Variants in RELL1 observed in about 807,000 individuals in gnomAD.
RELL1 encodes RELT-like protein 1.
Under a neutral mutation model 23.0 loss-of-function variants are expected in RELL1, and 10 were observed. The observed-to-expected ratio is 0.43, with a 90% confidence interval of 0.27 to 0.74. RELL1 has a LOEUF of 0.74. Ranked by LOEUF, RELL1 falls within the 30% of genes least tolerant of loss-of-function variation. The probability of loss-of-function intolerance (pLI) is 0.19; values close to 1 mark genes in which losing one functional copy is unlikely to be tolerated. For missense variants in RELL1, 315 were observed against 364.4 expected (o/e 0.86, Z 1.10); for synonymous variants, 146 against 146.8 (o/e 0.99, Z 0.04).
chr4:37,638,402 T>C, intron 4 of RELL1, 45 bp downstream of exon 4: 1 of 1,457,812 alleles, frequency 6.9e-7, no homozygotes, highest in Non-Finnish European at 9.6e-7. Flanking sequence ...TCTGAGCAAG[T>C]AACTGAAAAG....
Position 37,649,320 on chromosome 4 carries a change from G to C in RELL1, c.269C>G (p.Thr90Arg). ...LLKKKGYRCT[T>R]EAEQDIEEEK... ...CTCTTCGATATCTTGCTCTGCTTCTGTTGTACAACGATAGCCTTTCTTCTT... is the reference window on the plus strand; with the variant it reads ...CTCTTCGATATCTTGCTCTGCTTCTCTTGTACAACGATAGCCTTTCTTCTT... Residue 90 changes from threonine (T) to arginine (R), a missense_variant, in exon 2 of 7, where the codon ACA (threonine) becomes AGA (arginine). Physicochemically the swap from Thr to Arg is moderately conservative, Grantham distance 71. Transcript: ENST00000454158. The C allele has an allele frequency of 6.2e-7, 1 of 1,614,210 alleles. No individual in the cohort carries two copies.
At chr4:37,619,713 G>A (rs1055801697) in intron 6 of RELL1, among the ~76,000 whole-genome samples, 2 of 152,172 alleles carry the variant, frequency 1.3e-5, no homozygotes, top group African/African-American at 4.8e-5. Context: ...GACTACAGGT[G>A]TATGCCACAT....
Position 37,612,710 on chromosome 4 carries a change from T to C in RELL1, c.*636A>G, listed in dbSNP as rs557696203. ...GTGACATGGTGGTGGCAGGAGTTAA[T>C]GCTGAATTTGTGGTCAAGGAATCCA... On this transcript the variant is annotated 3_prime_UTR_variant, in exon 7 of 7. Coordinates refer to ENST00000454158, the MANE Select transcript of RELL1 (RefSeq NM_001085400.2). Among the ~76,000 whole-genome samples the C allele has an allele frequency of 1.3e-4, 20 of 151,644 alleles. No individual in the cohort carries two copies. The South Asian group carries it at 4.2e-3, about 32-fold the overall frequency.
At position 37,657,219 on chromosome 4, in the gene RELL1, A is replaced by G. The variant is rs1721147396; in HGVS notation, c.89-7719T>C. On this transcript the variant is annotated intron_variant, in intron 1 of 6. Transcript: ENST00000454158. ...ATAAACAGGCAAAAATAAAATAGAA[A>G]GAAAAACAATCCACAGAAGCTCTTT... 2.0e-5 allele frequency among the ~76,000 whole-genome samples: 3 copies of G among 152,354 alleles called. No individual in the cohort carries two copies. In the South Asian group the frequency reaches 6.2e-4, roughly 32 times the overall value.
Position 37,631,257 on chromosome 4 carries a change from T to C in RELL1, c.*3+128A>G, listed in dbSNP as rs974116661. 7.6e-6 allele frequency: 8 copies of C among 1,057,240 alleles called. No homozygotes were observed. The African/African-American group carries it at 1.3e-4, about 17-fold the overall frequency. The allele number at this position is 1,057,240 out of a possible 1,614,324, so 65.5% of individuals were successfully genotyped here. ...TTCAGTCCCCCTCAGTCTTCCTGGG[T>C]CAAGGAAAGCTCTCCCACTTCCCTG... On this transcript the variant is annotated intron_variant, in intron 6 of 6. Transcript: ENST00000454158.
intron 1 of RELL1, among the ~76,000 whole-genome samples, chr4:37,663,503 G>A (rs1721424032): frequency 6.6e-6 from 1 of 152,214 alleles, no homozygotes; most frequent in South Asian, 2.1e-4. Flanking sequence ...AGAATGAGTT[G>A]CTACTTTAAT....
intron 6 of RELL1, among the ~76,000 whole-genome samples, chr4:37,621,459 AAATAAT>A (rs1256828048): frequency 6.6e-6 from 1 of 152,020 alleles, no homozygotes; most frequent in African/African-American, 2.4e-5. Flanking sequence ...CCATCTCAAA[AAATAAT>A]AATAATAATA....
At chr4:37,668,031 GAA>G (rs887962039) in intron 1 of RELL1, among the ~76,000 whole-genome samples, 5 of 149,572 alleles carry the variant, frequency 3.3e-5, no homozygotes, top group African/African-American at 1.2e-4. Context: ...GTTTTTATAA[GAA>G]AAAAAAAGAC....
chr4:37,658,735 C>T (rs1467993876), intron 1 of RELL1, among the ~76,000 whole-genome samples: 1 of 152,186 alleles, frequency 6.6e-6, no homozygotes, highest in Non-Finnish European at 1.5e-5. Context: ...TTTCTTTCAA[C>T]AATATTTCAT....
Position 37,635,096 on chromosome 4 carries a change from G to T in RELL1, c.471C>A (p.Ser157Arg). 6.2e-7 allele frequency: 1 copy of T among 1,614,182 alleles called. No homozygotes were observed. The change falls in exon 5 of 7, where the codon AGC becomes AGA. Residue 157 changes from serine (S) to arginine (R), a missense_variant. Coordinates refer to ENST00000454158, the MANE Select transcript of RELL1 (RefSeq NM_001085400.2). ...ESPVTPSTPG[S>R]PPVSPGPLSP... ...ACAAAGGCCCAGGACTCACTGGCGG[G>T]CTCCCTGGTGTGCTGGGGGTCACGG...
chr4:37,633,198 C>G (rs1407055063), intron 5 of RELL1, among the ~76,000 whole-genome samples: 1 of 152,090 alleles, frequency 6.6e-6, no homozygotes, highest in Non-Finnish European at 1.5e-5. Flanking sequence ...CACTTGAGGT[C>G]AGGAGTTCGA....
chr4:37,662,253 T>C (rs1721381757), intron 1 of RELL1, among the ~76,000 whole-genome samples: 2 of 152,202 alleles, frequency 1.3e-5, no homozygotes, highest in East Asian at 1.9e-4. Flanking sequence ...TCATTACTAA[T>C]GATAATTATC....
intron 6 of RELL1, among the ~76,000 whole-genome samples, chr4:37,615,120 A>G (rs1719534449): frequency 6.6e-6 from 1 of 152,228 alleles, no homozygotes; most frequent in East Asian, 1.9e-4. Flanking sequence ...GAGGAAAAGC[A>G]ATCAGTATGC....
At chr4:37,589,096 C>G (rs1019117077), downstream of RELL1, among the ~76,000 whole-genome samples, 3 of 152,124 alleles carry the variant, frequency 2.0e-5, no homozygotes, top group Non-Finnish European at 4.4e-5. Context: ...TTTTTTTGCT[C>G]ACTTCTCAAA....
At chr4:37,587,602 T>C (rs745652619), downstream of RELL1, among the ~76,000 whole-genome samples, 7 of 152,188 alleles carry the variant, frequency 4.6e-5, no homozygotes, top group Non-Finnish European at 1.0e-4. Context: ...CAATGAATGA[T>C]GTCTCTTTCT....
intron 1 of RELL1, among the ~76,000 whole-genome samples, chr4:37,664,905 A>G (rs1435890021): frequency 6.6e-6 from 1 of 152,142 alleles, no homozygotes; most frequent in African/African-American, 2.4e-5. Flanking sequence ...TACCACGGTC[A>G]AAGGCAGGAA....
At chr4:37,626,088 G>A (rs1048380242) in intron 6 of RELL1, among the ~76,000 whole-genome samples, 1 of 152,144 alleles carries the variant, frequency 6.6e-6, no homozygotes, top group African/African-American at 2.4e-5. Context: ...AAAAAGTGCT[G>A]ATGGGGATGT....
chr4:37,611,667 T>C lies in RELL1; in HGVS notation c.*1679A>G, dbSNP rs771231627. ...CCCACAGCTCACCCCAGAGCTACCA[T>C]AAATCATGTAATACTATTTATGCCT... On this transcript the variant is annotated 3_prime_UTR_variant, in exon 7 of 7. Coordinates refer to ENST00000454158, the MANE Select transcript of RELL1 (RefSeq NM_001085400.2). 2.0e-5 allele frequency among the ~76,000 whole-genome samples: 3 copies of C among 151,876 alleles called. No individual in the cohort carries two copies. The highest frequency in any genetic ancestry group is 4.4e-5 in the Non-Finnish European group (3 of 68,000).
chr4:37,607,334 C>T (rs1412625572), downstream of RELL1, among the ~76,000 whole-genome samples: 3 of 152,200 alleles, frequency 2.0e-5, no homozygotes, highest in Admixed American at 6.5e-5. Flanking sequence ...TGGTAACATA[C>T]GGGGAAATGG....
Sources: allele counts gnomAD v4.1 joint callset (sites outside exome capture counted in the v4.1 genomes callset), GRCh38; gene constraint gnomAD v4.1.1; transcripts MANE v1.5; gene names NCBI Gene and HGNC (gene_info 2026-07-23, HGNC 2026-07-21).